Variants in OR14J1 observed in about 807,000 individuals in gnomAD.
The protein encoded by OR14J1 is olfactory receptor family 14 subfamily J member 1.
For synonymous variants in OR14J1, 140 were observed against 146.7 expected (o/e 0.95, Z 0.33); for missense variants, 378 against 393.4 (o/e 0.96, Z 0.33).
At chr6:29,302,312 G>A (rs896251282) in intron 1 of OR14J1, among the ~76,000 whole-genome samples, 1 of 151,192 alleles carries the variant, frequency 6.6e-6, no homozygotes, top group African/African-American at 2.4e-5. Flanking sequence ...CCTAGTAGCT[G>A]GGATTACAGG....
chr6:29,303,951 C>T (rs1162697835), intron 1 of OR14J1, among the ~76,000 whole-genome samples: 1 of 152,066 alleles, frequency 6.6e-6, no homozygotes, highest in Non-Finnish European at 1.5e-5. Context: ...CAAAGATGCC[C>T]TTTGCGATAG....
chr6:29,303,910 AAG>A (rs138400080), intron 1 of OR14J1, among the ~76,000 whole-genome samples: 4 of 151,580 alleles, frequency 2.6e-5, no homozygotes, highest in African/African-American at 7.3e-5. Context: ...ACTATTATGA[AAG>A]AGAGAGAGAG....
chr6:29,309,728 T>C lies in OR14J1; in HGVS notation c.*2073T>C, dbSNP rs1413832955. 2 of 152,196 alleles carry C rather than the reference T, an allele frequency of 1.3e-5. No individual in the cohort carries two copies. Among genetic ancestry groups the C allele is most frequent in the African/African-American group, 4.8e-5 (2 of 41,434 alleles). 9.4% of individuals were successfully genotyped at this position (152,196 alleles called of 1,614,324 possible). A position where few individuals can be genotyped will look rare whatever the true frequency, so the allele number is the denominator to read the frequency against. On this transcript the variant is annotated 3_prime_UTR_variant, in exon 2 of 2. Transcript: ENST00000641895. ...CCGGGGCATTGGCTCATGCCTGTAA[T>C]CCCAGCATTTTAGGGGGCCGCAGCA...
Position 29,307,621 on chromosome 6 carries a change from G to GA in OR14J1, c.937dup (p.Met313AsnfsTer8). On this transcript the variant is annotated frameshift_variant, in exon 2 of 2. Transcript: ENST00000641895. LOFTEE classifies it high-confidence loss of function. ...CTGTCAAAGGAAGAGCTTCCTCAGA[G>GA]AAAAATGTGCTTAAAAGCCATGTTT... The GA allele has an allele frequency of 1.9e-6, 3 of 1,602,526 alleles. No homozygotes were observed. The highest frequency in any genetic ancestry group is 2.5e-6 in the Non-Finnish European group (3 of 1,178,488).
At chr6:29,302,179 CT>C (rs1157949122) in intron 1 of OR14J1, among the ~76,000 whole-genome samples, 72 of 102,046 alleles carry the variant, frequency 7.1e-4, no homozygotes, top group East Asian at 1.1e-3. Flanking sequence ...TTTTTTTTTT[CT>C]TTTTTTTTTT....
chr6:29,302,241 C>T (rs950382895), intron 1 of OR14J1, among the ~76,000 whole-genome samples: 42 of 136,842 alleles, frequency 3.1e-4, no homozygotes, highest in Admixed American at 1.4e-3. Flanking sequence ...TGCAGTGGCG[C>T]GACCTTGGCT....
chr6:29,304,261 C>T (rs1774917941), intron 1 of OR14J1, among the ~76,000 whole-genome samples: 1 of 152,034 alleles, frequency 6.6e-6, no homozygotes, highest in Non-Finnish European at 1.5e-5. Context: ...GCACATGTAC[C>T]ACTGAACCTA....
intron 1 of OR14J1, among the ~76,000 whole-genome samples, chr6:29,304,141 G>A (rs1036316894): frequency 7.2e-5 from 11 of 152,196 alleles, no homozygotes; most frequent in African/African-American, 2.4e-4. Context: ...GAAGTTATTG[G>A]CAATGCTACC....
chr6:29,302,032 A>G lies in OR14J1; in HGVS notation c.-29+245A>G, dbSNP rs141956183. Among the ~76,000 whole-genome samples, 726 of 152,254 alleles carry G rather than the reference A, an allele frequency of 4.8e-3. 1 individual carries two copies. The highest frequency in any genetic ancestry group is 0.012 in the East Asian group (64 of 5,188). On this transcript the variant is annotated intron_variant, in intron 1 of 1. Transcript: ENST00000641895. Reference sequence around the variant, plus strand: ...ATTATAAGGAATCTTAAATGAATGCAATCTGGGCTCCAAAGAGTGACAATT... The same window carrying G: ...ATTATAAGGAATCTTAAATGAATGCGATCTGGGCTCCAAAGAGTGACAATT...
In OR14J1 at chr6:29,308,736, T is replaced by C. The variant is rs1253095181; in HGVS notation, c.*1081T>C. The stretch of plus-strand genomic sequence containing the variant: ...CAGTTTTGAAGTAAATCAAAGTGCA[T>C]GTTTTAATGACAAAGGGAATAAGCA... On this transcript the variant is annotated 3_prime_UTR_variant, in exon 2 of 2. Transcript: ENST00000641895. 1 of 152,232 alleles carries C rather than the reference T, an allele frequency of 6.6e-6. No individual in the cohort carries two copies. The highest frequency in any genetic ancestry group is 2.4e-5 in the African/African-American group (1 of 41,474). The allele number at this position is 152,232 out of a possible 1,614,324, so 9.4% of individuals were successfully genotyped here. A position where few individuals can be genotyped will look rare whatever the true frequency, so the allele number is the denominator to read the frequency against.
rs1445582560 is a variant in OR14J1 at position 29,309,123 on chromosome 6, G to A, written c.*1468G>A. The A allele has an allele frequency of 6.6e-6, 1 of 152,110 alleles. No individual in the cohort carries two copies. The highest frequency in any genetic ancestry group is 1.5e-5 in the Non-Finnish European group (1 of 68,026). The allele number at this position is 152,110 out of a possible 1,614,324, so 9.4% of individuals were successfully genotyped here. A position where few individuals can be genotyped will look rare whatever the true frequency, so the allele number is the denominator to read the frequency against. On this transcript the variant is annotated 3_prime_UTR_variant, in exon 2 of 2. Coordinates refer to ENST00000641895, the MANE Select transcript of OR14J1 (RefSeq NM_030946.2). Reference sequence around the variant, plus strand: ...CTACTTATGAGTGAGAACATGCAATGTTTAGTTTTATGTTCTTGTGTTAGT... The same window carrying A: ...CTACTTATGAGTGAGAACATGCAATATTTAGTTTTATGTTCTTGTGTTAGT...
rs756739940 is a variant in OR14J1, at chr6:29,306,789, C to T, written c.100C>T (p.Leu34=). Residue 34 remains leucine (L), a synonymous_variant, in exon 2 of 2, where the codon CTG becomes TTG. Transcript: ENST00000641895. ...TGCATTGGTATTTCTGGTGACATAC[C>T]TGCTGGCCTTGACAGGCAACCTCCT... ...LHALVFLVTY[L]LALTGNLLII... 1.2e-6 allele frequency: 2 copies of T among 1,612,986 alleles called. No individual in the cohort carries two copies. Among genetic ancestry groups the T allele is most frequent in the Non-Finnish European group, 1.7e-6 (2 of 1,179,976 alleles).
intron 1 of OR14J1, among the ~76,000 whole-genome samples, chr6:29,305,865 T>G (rs938380807): frequency 9.9e-5 from 15 of 152,236 alleles, no homozygotes; most frequent in African/African-American, 3.4e-4. Flanking sequence ...TAGAAAGATA[T>G]ATACTCTACT....
At chr6:29,304,066 C>A (rs1774901395) in intron 1 of OR14J1, among the ~76,000 whole-genome samples, 1 of 152,090 alleles carries the variant, frequency 6.6e-6, no homozygotes, top group South Asian at 2.1e-4. Flanking sequence ...TGTTAGAGAT[C>A]ATTTCGTTTA....
chr6:29,302,159 A>ACTTTTTTTCT (rs1774747071), intron 1 of OR14J1, among the ~76,000 whole-genome samples: 2 of 115,576 alleles, frequency 1.7e-5, no homozygotes, highest in Admixed American at 9.9e-5. Flanking sequence ...ATGAGGGGAG[A>ACTTTTTTTCT]TTTTTTTTCT....
Position 29,311,135 on chromosome 6 carries a change from T to G in OR14J1, c.*3480T>G, listed in dbSNP as rs1775480494. On this transcript the variant is annotated 3_prime_UTR_variant, in exon 2 of 2. Coordinates refer to ENST00000641895, the MANE Select transcript of OR14J1 (RefSeq NM_030946.2). ...CTTGCCTGATTGCCCTGGCCAGAAC[T>G]TCCAACATTATGTTGAATAAGAGTG... 1 of 152,206 alleles carries G rather than the reference T, an allele frequency of 6.6e-6. No individual in the cohort carries two copies. Among genetic ancestry groups the G allele is most frequent in the Non-Finnish European group, 1.5e-5 (1 of 68,024 alleles). The allele number at this position is 152,206 out of a possible 1,614,324, so 9.4% of individuals were successfully genotyped here. A position where few individuals can be genotyped will look rare whatever the true frequency, so the allele number is the denominator to read the frequency against.
chr6:29,311,123 C>A lies in OR14J1; in HGVS notation c.*3468C>A, dbSNP rs966471127. ...TTATTTTTTTCTCTTGCCTGATTGC[C>A]CTGGCCAGAACTTCCAACATTATGT... On this transcript the variant is annotated 3_prime_UTR_variant, in exon 2 of 2. Transcript: ENST00000641895. 6.6e-6 allele frequency: 1 copy of A among 151,948 alleles called. No homozygotes were observed. Among genetic ancestry groups the A allele is most frequent in the Admixed American group, 6.6e-5 (1 of 15,254 alleles). The allele number at this position is 151,948 out of a possible 1,614,324, so 9.4% of individuals were successfully genotyped here.
In OR14J1 at chr6:29,307,521, G is replaced by A. The variant is rs17404424; in HGVS notation, c.832G>A (p.Val278Met). ...VDLVFSVFYT[V>M]IPPTLNPVIY... ...CCTTGTATTCTCCGTATTCTATACTGTGATACCTCCAACACTCAATCCAGT... is the reference window on the plus strand; with the variant it reads ...CCTTGTATTCTCCGTATTCTATACTATGATACCTCCAACACTCAATCCAGT... The change falls in exon 2 of 2, where the codon GTG becomes ATG. Residue 278 changes from valine (V) to methionine (M), a missense_variant. Transcript: ENST00000641895. The A allele has an allele frequency of 0.03, 49,086 of 1,612,834 alleles. 1,027 individuals carry two copies. The highest frequency in any genetic ancestry group is 0.038 in the Non-Finnish European group (45,180 of 1,179,906).
Position 29,306,710 on chromosome 6 carries a change from G to C in OR14J1, c.21G>C (p.Met7Ile). 6.2e-7 allele frequency: 1 copy of C among 1,612,008 alleles called. No individual in the cohort carries two copies. Among genetic ancestry groups the C allele is most frequent in the African/African-American group, 1.3e-5 (1 of 75,006 alleles). Residue 7 changes from methionine to isoleucine, a missense_variant, in exon 2 of 2, where the codon ATG becomes ATC. Met to Ile is a conservative substitution (Grantham distance 10). Transcript: ENST00000641895. MVNLTSMSGFLLMGFSD... is the reference protein window; with the variant it reads MVNLTSISGFLLMGFSD... Reference sequence around the variant, plus strand: ...AGACTATGGTCAATTTGACTTCAATGAGTGGATTCCTTCTTATGGGGTTTT... The same window carrying C: ...AGACTATGGTCAATTTGACTTCAATCAGTGGATTCCTTCTTATGGGGTTTT...
Sources: allele counts gnomAD v4.1 joint callset (sites outside exome capture counted in the v4.1 genomes callset), GRCh38; gene constraint gnomAD v4.1.1; transcripts MANE v1.5; gene names NCBI Gene and HGNC (gene_info 2026-07-23, HGNC 2026-07-21).